The following ROBO1 variants were observed in gnomAD, a reference collection of about 807,000 sequenced individuals.
The protein encoded by ROBO1 is roundabout homolog 1.
ROBO1 carries 149 observed loss-of-function variants against 195.9 expected under a neutral mutation model. That is an observed-to-expected ratio of 0.76 (90% confidence interval 0.67 to 0.87). The LOEUF (loss-of-function observed/expected upper bound fraction) is 0.87, where lower values mean the gene tolerates loss of function less well. ROBO1 is among the 40% of genes least tolerant of loss of function. The pLI is 0.00. For missense variants in ROBO1, 1,933 were observed against 2,068.3 expected (o/e 0.93, Z 1.27); for synonymous variants, 816 against 733.2 (o/e 1.11, Z -1.82).
At chr3:79,606,436 G>C (rs1406024013) in intron 1 of ROBO1, among the ~76,000 whole-genome samples, 1 of 151,824 alleles carries the variant, frequency 6.6e-6, no homozygotes, top group Non-Finnish European at 1.5e-5. Flanking sequence ...TTTGCTAAGA[G>C]ACATTTATTT....
chr3:78,672,904 G>GA (rs1342260605), intron 10 of ROBO1, among the ~76,000 whole-genome samples: 1 of 152,094 alleles, frequency 6.6e-6, no homozygotes, highest in Non-Finnish European at 1.5e-5. Flanking sequence ...TTTGGAGTCA[G>GA]AAAATGTTAG....
intron 3 of ROBO1, among the ~76,000 whole-genome samples, chr3:78,945,407 AG>A (rs1024797878): frequency 1.1e-4 from 16 of 152,198 alleles, no homozygotes; most frequent in African/African-American, 3.1e-4. Flanking sequence ...CCAGGCAAAC[AG>A]GGTCTGGAGT....
intron 1 of ROBO1, among the ~76,000 whole-genome samples, chr3:79,602,699 G>A (rs1441091700): frequency 1.3e-5 from 2 of 151,840 alleles, no homozygotes; most frequent in Non-Finnish European, 2.9e-5. Context: ...TATTATGAGG[G>A]AGAATTTATT....
rs376281657 is a variant in ROBO1, at chr3:79,491,814, T to G, written c.88+98010A>C. On this transcript the variant is annotated intron_variant, in intron 2 of 30. Coordinates refer to ENST00000464233, the MANE Select transcript of ROBO1 (RefSeq NM_002941.4). ...TTTTTTTTTAATTTTGTGGGCAAAA[T>G]GAAATCTGAGTGGACCAATGACCTC... 3.8e-4 allele frequency among the ~76,000 whole-genome samples: 57 copies of G among 150,606 alleles called. No homozygotes were observed. The East Asian group carries it at 0.011, about 28-fold the overall frequency.
At chr3:79,393,341 A>T (rs1055977462) in intron 2 of ROBO1, among the ~76,000 whole-genome samples, 12 of 152,224 alleles carry the variant, frequency 7.9e-5, no homozygotes, top group Non-Finnish European at 1.6e-4. Flanking sequence ...GTATTCGGTA[A>T]TTTGAGCCCA....
chr3:78,769,062 A>AT (rs1405558704), intron 4 of ROBO1, among the ~76,000 whole-genome samples: 1 of 151,976 alleles, frequency 6.6e-6, no homozygotes, highest in Non-Finnish European at 1.5e-5. Context: ...TGTTCTGTAC[A>AT]TATCTGTCAA....
chr3:78,609,810 A>G (rs1396634653), intron 28 of ROBO1, among the ~76,000 whole-genome samples: 1 of 152,210 alleles, frequency 6.6e-6, no homozygotes, highest in African/African-American at 2.4e-5. Flanking sequence ...CATGGCCCTA[A>G]GAAGCATCAG....
intron 2 of ROBO1, among the ~76,000 whole-genome samples, chr3:79,583,302 A>G (rs1049325204): frequency 6.6e-6 from 1 of 152,014 alleles, no homozygotes; most frequent in Non-Finnish European, 1.5e-5. Context: ...GAATGTGAGG[A>G]CAATGACTCT....
chr3:78,752,488 G>C (rs2082822267), intron 4 of ROBO1, among the ~76,000 whole-genome samples: 1 of 152,098 alleles, frequency 6.6e-6, no homozygotes, highest in Non-Finnish European at 1.5e-5. Context: ...GGCTGGATCA[G>C]AAAGCATATC....
At chr3:79,345,653 A>G (rs906213788) in intron 2 of ROBO1, among the ~76,000 whole-genome samples, 1 of 151,892 alleles carries the variant, frequency 6.6e-6, no homozygotes, top group Non-Finnish European at 1.5e-5. Flanking sequence ...AACTATCTAA[A>G]CCCTACCACA....
intron 4 of ROBO1, among the ~76,000 whole-genome samples, chr3:78,792,107 T>C (rs2108530924): frequency 6.6e-6 from 1 of 152,308 alleles, no homozygotes; most frequent in African/African-American, 2.4e-5. Flanking sequence ...GGGAGTTGAC[T>C]TTCATGTAGG....
chr3:79,069,332 G>C (rs1441827620), intron 3 of ROBO1, among the ~76,000 whole-genome samples: 1 of 151,710 alleles, frequency 6.6e-6, no homozygotes, highest in Non-Finnish European at 1.5e-5. Context: ...ATTTCAGATT[G>C]TGTAGCATTT....
At chr3:79,372,406 T>G (rs1167592055) in intron 2 of ROBO1, among the ~76,000 whole-genome samples, 1 of 151,994 alleles carries the variant, frequency 6.6e-6, no homozygotes, top group Non-Finnish European at 1.5e-5. Flanking sequence ...AGATGGGGTT[T>G]CACCATGTTG....
At chr3:79,378,492 G>T (rs1407087949) in intron 2 of ROBO1, among the ~76,000 whole-genome samples, 2 of 152,152 alleles carry the variant, frequency 1.3e-5, no homozygotes, top group Non-Finnish European at 2.9e-5. Flanking sequence ...CATGTGATAG[G>T]ATGTAGAATC....
intron 8 of ROBO1, among the ~76,000 whole-genome samples, chr3:78,694,455 G>A (rs1386430347): frequency 2.0e-5 from 3 of 152,108 alleles, no homozygotes; most frequent in Admixed American, 1.3e-4. Context: ...TGTCCCATAC[G>A]CAAAATTTAA....
intron 2 of ROBO1, among the ~76,000 whole-genome samples, chr3:79,338,811 T>C (rs150528596): frequency 6.6e-6 from 1 of 152,226 alleles, no homozygotes; most frequent in Non-Finnish European, 1.5e-5. Flanking sequence ...GGTTCTCAAA[T>C]GTATATCTCT....
At chr3:79,290,080 C>T (rs1202685759) in intron 2 of ROBO1, among the ~76,000 whole-genome samples, 1 of 152,058 alleles carries the variant, frequency 6.6e-6, no homozygotes, top group Non-Finnish European at 1.5e-5. Flanking sequence ...ACTCTGCCAC[C>T]CAGGCTAGAG....
intron 2 of ROBO1, among the ~76,000 whole-genome samples, chr3:79,208,597 A>G (rs2081913110): frequency 6.6e-6 from 1 of 152,146 alleles, no homozygotes; most frequent in African/African-American, 2.4e-5. Context: ...GCAGAGATGC[A>G]TTTATGCAAA....
chr3:78,932,138 A>G (rs1647370692), intron 4 of ROBO1, among the ~76,000 whole-genome samples: 4 of 152,222 alleles, frequency 2.6e-5, no homozygotes, highest in Admixed American at 2.6e-4. Flanking sequence ...AAAGATTTCT[A>G]GCATTTAAAT....
Sources: gnomAD v4.1 joint callset for allele counts (sites outside exome capture counted in the v4.1 genomes callset) on GRCh38, gnomAD v4.1.1 for gene constraint, MANE v1.5 for transcripts, NCBI Gene and HGNC (gene_info 2026-07-23, HGNC 2026-07-21) for gene names.